PROSER1: variants seen among roughly 807,000 people sequenced by gnomAD.
PROSER1 encodes proline and serine-rich protein 1.
PROSER1 carries 36 observed loss-of-function variants against 71.8 expected under a neutral mutation model. The ratio of observed to expected loss-of-function variants is 0.50; its 90% CI spans 0.38 to 0.66. PROSER1 has a LOEUF of 0.66. Among genes scored for constraint, PROSER1 ranks in the 30% least tolerant of loss-of-function variants. The pLI is 0.00. For synonymous variants in PROSER1, 490 were observed against 452.4 expected (o/e 1.08, Z -1.06); for missense variants, 1,107 against 1,135.0 (o/e 0.98, Z 0.35).
intron 6 of PROSER1, among the ~76,000 whole-genome samples, chr13:39,025,148 T>C (rs1011349147): frequency 2.0e-5 from 3 of 152,296 alleles, no homozygotes; most frequent in Middle Eastern, 3.4e-3. Context: ...AGTACCTATG[T>C]TACAGTTGAA....
chr13:39,031,747 G>T, intron 2 of PROSER1, 116 bp from the exon 3 acceptor site: 1 of 803,286 alleles, frequency 1.2e-6, no homozygotes, highest in Non-Finnish European at 2.1e-6. Context: ...TGATACAGGT[G>T]GCATTAAAGT....
At chr13:39,034,337 G>A in intron 1 of PROSER1, 141 bp from the exon 2 acceptor site, 1 of 541,798 alleles carries the variant, frequency 1.8e-6, no homozygotes, top group Non-Finnish European at 3.1e-6. Context: ...AGGAACTAAG[G>A]TCACTGTGGT....
At chr13:39,032,916 C>T (rs1870922371) in intron 2 of PROSER1, among the ~76,000 whole-genome samples, 1 of 149,684 alleles carries the variant, frequency 6.7e-6, no homozygotes, top group Non-Finnish European at 1.5e-5. Flanking sequence ...CTTTTTAAAA[C>T]ATTTAATTTT....
chr13:39,012,939 G>A lies in PROSER1; in HGVS notation c.2313C>T (p.Pro771=), dbSNP rs757393065. The change falls in exon 11 of 13, where the codon CCC becomes CCT. Residue 771 remains proline (P), a synonymous_variant. Transcript: ENST00000352251. ...PFPLNLSTAV[P]SLFSVTQGPL... ...GTCCTTGAGTAACAGAGAAAAGTGA[G>A]GGAACAGCAGTGGACAGGTTGAGGG... The A allele has an allele frequency of 6.2e-7, 1 of 1,614,178 alleles. No individual in the cohort carries two copies. Among genetic ancestry groups the A allele is most frequent in the Admixed American group, 1.7e-5 (1 of 60,016 alleles).
intron 4 of PROSER1, 33 bp downstream of exon 4, chr13:39,029,248 A>G (rs35690044): frequency 0.31 from 78,116 of 252,676 alleles, 2,260 homozygotes; most frequent in African/African-American, 0.41. Flanking sequence ...TTTCCCAAGT[A>G]AAAAAAAAAA....
In PROSER1 at chr13:39,026,361, A is replaced by C. The variant is rs773142789; in HGVS notation, c.396T>G (p.Pro132=). 3 of 1,611,766 alleles carry C rather than the reference A, an allele frequency of 1.9e-6. No homozygotes were observed. The highest frequency in any genetic ancestry group is 1.3e-5 in the African/African-American group (1 of 74,842). Residue 132 remains proline, a synonymous_variant, in exon 6 of 13, where the codon CCT becomes CCG. Transcript: ENST00000352251. Reference sequence around the variant, plus strand: ...TTCCACAAGAAGATATCATAGCATGAGGAGCTTTGCAGCCCCCCTTGAAAG... The same window carrying C: ...TTCCACAAGAAGATATCATAGCATGCGGAGCTTTGCAGCCCCCCTTGAAAG... The part of the protein sequence containing the change: ...EQAFKGGCKA[P]HAMISSCGTI...
chr13:39,021,194 C>T (rs906935800), intron 9 of PROSER1, among the ~76,000 whole-genome samples: 5 of 152,156 alleles, frequency 3.3e-5, no homozygotes, highest in African/African-American at 1.2e-4. Flanking sequence ...TTCACCCCCT[C>T]CCCAAGTAAT....
At chr13:39,033,336 G>A (rs1182935650) in intron 2 of PROSER1, among the ~76,000 whole-genome samples, 1 of 152,132 alleles carries the variant, frequency 6.6e-6, no homozygotes, top group African/African-American at 2.4e-5. Flanking sequence ...GAATTTAGTG[G>A]GCAGAACTTC....
chr13:39,037,153 C>T (rs201180367), intron 1 of PROSER1, 45 bp downstream of exon 1: 69 of 1,402,520 alleles, frequency 4.9e-5, no homozygotes, highest in Admixed American at 1.8e-4. Flanking sequence ...GTCTAAAACA[C>T]GAGAATTCAT....
chr13:39,030,665 C>T (rs867890334), intron 3 of PROSER1, among the ~76,000 whole-genome samples: 6 of 152,066 alleles, frequency 3.9e-5, no homozygotes, highest in Middle Eastern at 3.2e-3. Context: ...TGGCCTCAAG[C>T]GATTCTCCTA....
rs150256243 is a variant in PROSER1, at chr13:39,012,130, G to C, written c.2665C>G (p.Gln889Glu). ...FPQNPSQSSLQELQHNAAAQS... is the reference protein window; with the variant it reads ...FPQNPSQSSLEELQHNAAAQS... The stretch of plus-strand genomic sequence containing the variant: ...GCAGCCGCATTATGCTGTAATTCTT[G>C]CAAGGATGATTGTGAAGGATTCTGA... The change falls in exon 12 of 13, where the codon CAA becomes GAA. Residue 889 changes from glutamine to glutamate, a missense_variant. Coordinates refer to ENST00000352251, the MANE Select transcript of PROSER1 (RefSeq NM_025138.5). 5.0e-6 allele frequency: 8 copies of C among 1,614,200 alleles called. No homozygotes were observed. Among genetic ancestry groups the C allele is most frequent in the African/African-American group, 1.3e-5 (1 of 75,066 alleles).
intron 5 of PROSER1, 131 bp downstream of exon 5, chr13:39,028,096 G>A (rs1170193590): frequency 1.1e-5 from 6 of 554,682 alleles, no homozygotes; most frequent in South Asian, 9.5e-5. Flanking sequence ...CCGCAGGGAT[G>A]TTCATTTTTA....
At chr13:39,024,405 G>T in intron 7 of PROSER1, 68 bp downstream of exon 7, 1 of 1,143,160 alleles carries the variant, frequency 8.7e-7, no homozygotes, top group Non-Finnish European at 1.3e-6. Context: ...TAAAATTTAT[G>T]CTTTGAGTAA....
At chr13:39,028,371 C>T (rs184845894) in intron 4 of PROSER1, 51 bp from the exon 5 acceptor site, 231 of 1,052,116 alleles carry the variant, frequency 2.2e-4, no homozygotes, top group Non-Finnish European at 3.2e-4. Context: ...GAACATACAT[C>T]GAGGTAAGCA....
At chr13:39,027,864 C>A (rs1000660589) in intron 5 of PROSER1, among the ~76,000 whole-genome samples, 1 of 152,124 alleles carries the variant, frequency 6.6e-6, no homozygotes, top group Non-Finnish European at 1.5e-5. Context: ...TCTTATGAAT[C>A]CGATTTAAAA....
chr13:39,023,544 AG>A (rs1374250770), intron 7 of PROSER1: 2 of 157,216 alleles, frequency 1.3e-5, no homozygotes, highest in African/African-American at 4.8e-5. Context: ...CTAAACTGAT[AG>A]GAATTCATCC....
chr13:39,032,923 T>C (rs1389518239), intron 2 of PROSER1, among the ~76,000 whole-genome samples: 2 of 98,450 alleles, frequency 2.0e-5, no homozygotes, highest in Non-Finnish European at 3.9e-5. Context: ...AAACATTTAA[T>C]TTTTTTTTTT....
intron 8 of PROSER1, 41 bp from the exon 9 acceptor site, chr13:39,022,453 T>TG (rs1381492076): frequency 2.2e-6 from 3 of 1,350,788 alleles, no homozygotes; most frequent in Non-Finnish European, 3.2e-6. Context: ...ACCTTAGGAC[T>TG]GTTCTGTGAC....
intron 9 of PROSER1, among the ~76,000 whole-genome samples, chr13:39,021,502 C>T (rs941993807): frequency 1.3e-5 from 2 of 151,992 alleles, no homozygotes; most frequent in Admixed American, 1.3e-4. Context: ...CTTAAAGAAC[C>T]ACCAGTAGGT....
Sources: allele counts gnomAD v4.1 joint callset (sites outside exome capture counted in the v4.1 genomes callset), GRCh38; gene constraint gnomAD v4.1.1; transcripts MANE v1.5; gene names NCBI Gene and HGNC (gene_info 2026-07-23, HGNC 2026-07-21).